The following MIER1 variants were observed in gnomAD, a reference collection of about 807,000 sequenced individuals.
The protein encoded by MIER1 is MIER1 transcriptional regulator.
MIER1 carries 40 observed loss-of-function variants against 75.7 expected under a neutral mutation model. That is an observed-to-expected ratio of 0.53 (90% CI 0.41 to 0.69). The LOEUF is 0.69. MIER1 is among the 30% of genes least tolerant of loss of function. The pLI is 0.00. For missense variants in MIER1, 574 were observed against 680.2 expected (o/e 0.84, Z 1.74); for synonymous variants, 213 against 223.4 (o/e 0.95, Z 0.42).
intron 9 of MIER1, 83 bp downstream of exon 9, chr1:66,971,042 T>A (rs1489495353): frequency 1.7e-5 from 22 of 1,303,144 alleles, no homozygotes; most frequent in Non-Finnish European, 2.3e-5. Context: ...TGTTATTCTG[T>A]CCACCAAACT....
rs879624191 is a variant in MIER1, at chr1:66,974,099, AT to A, written c.1101+1118del. ...TAACTAGTTTATTCTTATTTTTATT[AT>A]TTTTTTTTTAAGTGGGAACTGGGCA... is the stretch of plus-strand genomic sequence containing the variant. On this transcript the variant is annotated intron_variant, in intron 11 of 13. Transcript: ENST00000401041. 1.7e-3 allele frequency among the ~76,000 whole-genome samples: 255 copies of A among 148,512 alleles called. 1 individual carries two copies. Among genetic ancestry groups the A allele is most frequent in the Admixed American group, 3.4e-3 (51 of 14,890 alleles).
chr1:66,944,875 A>G (rs1338392384), intron 3 of MIER1, among the ~76,000 whole-genome samples: 1 of 151,910 alleles, frequency 6.6e-6, no homozygotes, highest in Non-Finnish European at 1.5e-5. Context: ...ACAGGCACAC[A>G]GCACCACACC....
rs1158832881 is a variant in MIER1 at position 66,956,007 on chromosome 1, T to C, written c.340-2052T>C. ...GGTACTTCTAAAGATCTAATGAAAT[T>C]GTGTGTGTTGACACTGCTTTCATGG... is the stretch of plus-strand genomic sequence containing the variant. On this transcript the variant is annotated intron_variant, in intron 4 of 13. Coordinates refer to ENST00000401041, the MANE Select transcript of MIER1 (RefSeq NM_001077700.3). Among the ~76,000 whole-genome samples the C allele has an allele frequency of 2.0e-5, 3 of 152,170 alleles. No individual in the cohort carries two copies. In the East Asian group the frequency reaches 5.8e-4, roughly 29 times the overall value.
At chr1:66,981,582 G>C (rs1032271337) in intron 12 of MIER1, among the ~76,000 whole-genome samples, 197 bp from the exon 13 acceptor site, 5 of 152,026 alleles carry the variant, frequency 3.3e-5, no homozygotes, top group Admixed American at 3.3e-4. Flanking sequence ...AAGCCGTTAT[G>C]CATTTTTCCT....
chr1:66,982,912 G>T (rs1474518116), intron 13 of MIER1, among the ~76,000 whole-genome samples: 1 of 152,224 alleles, frequency 6.6e-6, no homozygotes, highest in Non-Finnish European at 1.5e-5. Context: ...TTCTGAAGTA[G>T]AATAAGATGC....
At position 66,924,991 on chromosome 1, in the gene MIER1, G is replaced by A; in HGVS notation, c.-38G>A. ...AAGGAGGCGGGCGGCCCGGGCCTCA[G>A]GCCCCTCCCAGGCTCTGAGTCTCCC... On this transcript the variant is annotated 5_prime_UTR_variant, in exon 1 of 14. Coordinates refer to ENST00000401041, the MANE Select transcript of MIER1 (RefSeq NM_001077700.3). 6.5e-7 allele frequency: 1 copy of A among 1,542,750 alleles called. No homozygotes were observed.
chr1:66,941,225 C>G (rs1186864707), intron 3 of MIER1, among the ~76,000 whole-genome samples: 1 of 152,130 alleles, frequency 6.6e-6, no homozygotes, highest in Non-Finnish European at 1.5e-5. Context: ...TTGATTTTGT[C>G]CTTTTGATTT....
At chr1:66,964,851 A>G (rs1662058061) in intron 8 of MIER1, among the ~76,000 whole-genome samples, 3 of 152,196 alleles carry the variant, frequency 2.0e-5, no homozygotes, top group Non-Finnish European at 4.4e-5. Context: ...TCAACTTAAT[A>G]TACACAAAGG....
chr1:66,953,883 T>G (rs1313275637), intron 4 of MIER1, among the ~76,000 whole-genome samples: 8 of 152,122 alleles, frequency 5.3e-5, no homozygotes, highest in Admixed American at 5.2e-4. Context: ...GGATTACAGG[T>G]GTGAGCCACT....
intron 2 of MIER1, among the ~76,000 whole-genome samples, chr1:66,934,675 G>A (rs1230550103): frequency 4.6e-5 from 7 of 151,550 alleles, no homozygotes; most frequent in Non-Finnish European, 7.4e-5. Flanking sequence ...GATTATAGGC[G>A]TGTGCCACTG....
intron 7 of MIER1, 116 bp downstream of exon 7, chr1:66,959,859 T>C (rs1660915344): frequency 4.8e-6 from 2 of 420,036 alleles, no homozygotes; most frequent in Non-Finnish European, 8.6e-6. Flanking sequence ...ATGTAAGCCC[T>C]TTTATGACAT....
intron 8 of MIER1, among the ~76,000 whole-genome samples, chr1:66,968,961 C>G (rs2101846482): frequency 6.6e-6 from 1 of 152,184 alleles, no homozygotes; most frequent in East Asian, 1.9e-4. Context: ...CCCCAAAGAT[C>G]CCAAAAATAT....
At chr1:66,979,162 T>C (rs939723521) in intron 12 of MIER1, among the ~76,000 whole-genome samples, 1 of 152,212 alleles carries the variant, frequency 6.6e-6, no homozygotes, top group Admixed American at 6.5e-5. Flanking sequence ...TCTTCCCTTT[T>C]AGCTGTGTTA....
chr1:66,979,479 A>G (rs987102584), intron 12 of MIER1, among the ~76,000 whole-genome samples: 3 of 152,286 alleles, frequency 2.0e-5, no homozygotes, highest in South Asian at 4.1e-4. Flanking sequence ...CCTATTTACT[A>G]CCTGGAAGAA....
At chr1:66,966,882 TG>T (rs1314315213) in intron 8 of MIER1, among the ~76,000 whole-genome samples, 5 of 152,228 alleles carry the variant, frequency 3.3e-5, no homozygotes, top group Non-Finnish European at 7.3e-5. Flanking sequence ...TCAATAGAGT[TG>T]TTTGAGCTCC....
intron 8 of MIER1, among the ~76,000 whole-genome samples, chr1:66,965,129 T>C (rs1183109379): frequency 6.6e-6 from 1 of 152,230 alleles, no homozygotes. Context: ...GGAGTGACTT[T>C]ATTACATATA....
At chr1:66,978,471 G>A (rs967320631) in intron 12 of MIER1, among the ~76,000 whole-genome samples, 2 of 152,046 alleles carry the variant, frequency 1.3e-5, no homozygotes, top group African/African-American at 2.4e-5. Flanking sequence ...ATAAATAGCA[G>A]TATTGCAAAT....
chr1:66,930,208 G>A lies in MIER1; in HGVS notation c.168+3966G>A, dbSNP rs894573066. On this transcript the variant is annotated intron_variant, in intron 2 of 13. Transcript: ENST00000401041. ...CAGTCCAGCCCAGCCGGGGCGCCGC[G>A]AGGGGGCGGAGTGGGGTGTGGTGGG... is the stretch of plus-strand genomic sequence containing the variant. 2.2e-6 allele frequency: 3 copies of A among 1,372,866 alleles called. No individual in the cohort carries two copies. In the African/African-American group the frequency reaches 4.6e-5, roughly 21 times the overall value. The allele number at this position is 1,372,866 out of a possible 1,614,324, so 85.0% of individuals were successfully genotyped here.
chr1:66,947,027 T>C, intron 4 of MIER1: 1 of 984,460 alleles, frequency 1.0e-6, no homozygotes, highest in Non-Finnish European at 1.2e-6. Flanking sequence ...TCAGTGCTCC[T>C]CAAAATGTAG....
Sources: gnomAD v4.1 joint callset for allele counts (sites outside exome capture counted in the v4.1 genomes callset) on GRCh38, gnomAD v4.1.1 for gene constraint, MANE v1.5 for transcripts, NCBI Gene and HGNC (gene_info 2026-07-23, HGNC 2026-07-21) for gene names.